PPID: variants seen among roughly 807,000 people sequenced by gnomAD.
The protein encoded by PPID is peptidylprolyl isomerase D.
Under a neutral mutation model 48.1 loss-of-function variants are expected in PPID, and 47 were observed. The ratio of observed to expected loss-of-function variants is 0.98; its 90% CI spans 0.77 to 1.25. The LOEUF is 1.25. Ranked by LOEUF, PPID falls within the 50% of genes most tolerant of loss-of-function variation. The pLI is 0.00. For synonymous variants in PPID, 163 were observed against 148.8 expected (o/e 1.10, Z -0.69); for missense variants, 429 against 443.5 (o/e 0.97, Z 0.29).
intron 2 of PPID, 61 bp from the exon 3 acceptor site, chr4:158,719,347 T>G: frequency 9.2e-7 from 1 of 1,081,194 alleles, no homozygotes; most frequent in Non-Finnish European, 1.4e-6. Context: ...CAATGCTTAC[T>G]AATGGATACG....
At position 158,723,250 on chromosome 4, in the gene PPID, G is replaced by T; in HGVS notation, c.39C>A (p.Pro13=). ...HPSPQAKPSN[P]SNPRVFFDVD... ...CGTCAAAGAAGACTCGAGGGTTACT[G>T]GGGTTGGAGGGCTTGGCTTGGGGGG... The change falls in exon 1 of 10, where the codon CCC becomes CCA. Residue 13 remains proline (P), a synonymous_variant. Transcript: ENST00000307720. 1 of 1,614,096 alleles carries T rather than the reference G, an allele frequency of 6.2e-7. No homozygotes were observed. The highest frequency in any genetic ancestry group is 1.1e-5 in the South Asian group (1 of 91,086).
chr4:158,716,582 A>G (rs1462479776), intron 4 of PPID, among the ~76,000 whole-genome samples: 1 of 147,248 alleles, frequency 6.8e-6, no homozygotes, highest in Non-Finnish European at 1.5e-5. Flanking sequence ...AAAAAGTGGC[A>G]GATCCTGGCT....
intron 4 of PPID, among the ~76,000 whole-genome samples, chr4:158,716,702 G>A (rs1445546830): frequency 4.6e-5 from 7 of 152,166 alleles, no homozygotes; most frequent in Non-Finnish European, 1.0e-4. Context: ...GCTCATGCCT[G>A]TAATCCCAGC....
intron 6 of PPID, among the ~76,000 whole-genome samples, chr4:158,713,481 T>G (rs570899394): frequency 1.5e-4 from 23 of 152,324 alleles, no homozygotes; most frequent in Non-Finnish European, 2.8e-4. Context: ...AATTCCCAAA[T>G]CTAATTATGC....
intron 7 of PPID, among the ~76,000 whole-genome samples, chr4:158,711,476 C>T (rs1166311210): frequency 1.3e-5 from 2 of 151,962 alleles, no homozygotes; most frequent in Admixed American, 1.3e-4. Flanking sequence ...TGCCCGCCGC[C>T]GTGGCCTCCC....
chr4:158,721,277 C>G, intron 2 of PPID, 66 bp downstream of exon 2: 1 of 1,553,054 alleles, frequency 6.4e-7, no homozygotes, highest in South Asian at 1.1e-5. Context: ...TGTTTTCTTC[C>G]CCAAATCCTA....
chr4:158,710,028 C>T (rs1774757722), intron 9 of PPID: 2 of 555,152 alleles, frequency 3.6e-6, no homozygotes, highest in Admixed American at 3.4e-5. Flanking sequence ...AACTCAAGTA[C>T]ATCAAGATTT....
intron 4 of PPID, among the ~76,000 whole-genome samples, chr4:158,716,666 T>C (rs1261798583): frequency 2.6e-5 from 4 of 151,976 alleles, no homozygotes; most frequent in Admixed American, 6.6e-5. Context: ...TTCTTTAAGA[T>C]AGCAACTAAC....
intron 3 of PPID, among the ~76,000 whole-genome samples, chr4:158,718,389 TAG>T (rs1280157919): frequency 1.9e-4 from 29 of 152,248 alleles, no homozygotes; most frequent in Non-Finnish European, 1.5e-5. Flanking sequence ...CTGCAGTATA[TAG>T]ACAGTATTAG....
chr4:158,710,227 C>CCA (rs1338534629), intron 9 of PPID: 1 of 338,820 alleles, frequency 3.0e-6, no homozygotes, highest in Non-Finnish European at 5.4e-6. Context: ...AAGGTTATAG[C>CCA]CACATTCAAC....
Position 158,717,014 on chromosome 4 carries a change from T to C in PPID, c.520A>G (p.Lys174Glu), listed in dbSNP as rs917527213. ...TTTCACTGTAACTTTTTACTTACTT[T>C]AGCAGGTTTTTCACCTTTCACTTCC... ...NVEVKGEKPA[K>E]LCVIAECGEL... Residue 174 changes from lysine to glutamate, a missense_variant and splice_region_variant, in exon 4 of 10, where the codon AAA becomes GAA. Physicochemically the swap from Lys to Glu is moderately conservative, Grantham distance 56 (BLOSUM62 1). Coordinates refer to ENST00000307720, the MANE Select transcript of PPID (RefSeq NM_005038.3). 3 of 1,609,416 alleles carry C rather than the reference T, an allele frequency of 1.9e-6. No individual in the cohort carries two copies. In the African/African-American group the frequency reaches 4.0e-5, roughly 22 times the overall value.
chr4:158,717,360 T>A (rs1409885471), intron 3 of PPID, among the ~76,000 whole-genome samples, 160 bp from the exon 4 acceptor site: 1 of 152,228 alleles, frequency 6.6e-6, no homozygotes, highest in African/African-American at 2.4e-5. Context: ...TAAAATTTTT[T>A]AATTACTTTT....
intron 6 of PPID, 34 bp from the exon 7 acceptor site, chr4:158,713,294 A>T (rs752341601): frequency 2.0e-6 from 3 of 1,537,702 alleles, no homozygotes; most frequent in Non-Finnish European, 2.6e-6. Flanking sequence ...AGTATGAAAG[A>T]CCACATAAAC....
At chr4:158,721,651 A>G (rs569784382) in intron 1 of PPID, among the ~76,000 whole-genome samples, 168 bp from the exon 2 acceptor site, 1 of 152,286 alleles carries the variant, frequency 6.6e-6, no homozygotes, top group South Asian at 2.1e-4. Flanking sequence ...GCTACTAACT[A>G]TAGTCATTAT....
chr4:158,715,113 C>T (rs1774848639), intron 6 of PPID, among the ~76,000 whole-genome samples, 184 bp downstream of exon 6: 1 of 150,514 alleles, frequency 6.6e-6, no homozygotes, highest in Non-Finnish European at 1.5e-5. Context: ...ATGTACTACT[C>T]GTTCAACTTC....
chr4:158,716,509 A>C (rs974346809), intron 4 of PPID, among the ~76,000 whole-genome samples: 3 of 152,032 alleles, frequency 2.0e-5, no homozygotes, highest in Non-Finnish European at 4.4e-5. Flanking sequence ...TTGAAATAAT[A>C]AAAATCTCCT....
intron 4 of PPID, among the ~76,000 whole-genome samples, chr4:158,716,532 T>TA (rs1226485682): frequency 2.0e-5 from 3 of 147,200 alleles, no homozygotes; most frequent in Non-Finnish European, 4.5e-5. Flanking sequence ...AAAACTACCC[T>TA]AATTGTCTTT....
At chr4:158,713,005 TA>T (rs1163676604) in intron 7 of PPID, 113 bp downstream of exon 7, 5 of 1,102,418 alleles carry the variant, frequency 4.5e-6, no homozygotes, top group Non-Finnish European at 6.5e-6. Context: ...AATGTTTTCT[TA>T]AGCCTCATTA....
intron 5 of PPID, 53 bp downstream of exon 5, chr4:158,715,509 A>C: frequency 6.3e-7 from 1 of 1,590,762 alleles, no homozygotes; most frequent in Non-Finnish European, 8.6e-7. Flanking sequence ...TTTAGTACTA[A>C]ATATTTTCAC....
Sources: gnomAD v4.1 joint callset for allele counts (sites outside exome capture counted in the v4.1 genomes callset) on GRCh38, gnomAD v4.1.1 for gene constraint, MANE v1.5 for transcripts, NCBI Gene and HGNC (gene_info 2026-07-23, HGNC 2026-07-21) for gene names.